CDIP1: variants seen among roughly 807,000 people sequenced by gnomAD.
CDIP1 encodes the protein cell death inducing p53 target 1.
CDIP1 carries 9 observed loss-of-function variants against 17.7 expected under a neutral mutation model. That is an observed-to-expected ratio of 0.51 (90% CI 0.31 to 0.89). CDIP1 has a LOEUF of 0.89. CDIP1 is among the 40% of genes least tolerant of loss of function. The probability of loss-of-function intolerance (pLI) is 0.05; values close to 1 mark genes in which losing one functional copy is unlikely to be tolerated. For synonymous variants in CDIP1, 117 were observed against 109.5 expected (o/e 1.07, Z -0.43); for missense variants, 263 against 277.9 (o/e 0.95, Z 0.38).
Position 4,512,142 on chromosome 16 carries a change from G to A in CDIP1, c.*430C>T, listed in dbSNP as rs149283678. The A allele has an allele frequency of 2.2e-5, 4 of 186,036 alleles. No homozygotes were observed. The East Asian group carries it at 5.8e-4, about 27-fold the overall frequency. The allele number at this position is 186,036 out of a possible 1,614,324, so 11.5% of individuals were successfully genotyped here. ...ACTCCAGACAACTTACCCATTCTCG[G>A]CCCAGCAGGTCAGAAACGCCTGTGG... On this transcript the variant is annotated 3_prime_UTR_variant, in exon 6 of 6. Coordinates refer to ENST00000567695, the MANE Select transcript of CDIP1 (RefSeq NM_013399.3). The surrounding 1 kb of genome is among the most constrained non-coding windows in gnomAD (Gnocchi z 4.6).
At chr16:4,519,830 A>C (rs1395596134) in intron 1 of CDIP1, among the ~76,000 whole-genome samples, 3 of 148,692 alleles carry the variant, frequency 2.0e-5, no homozygotes, top group African/African-American at 7.5e-5. Flanking sequence ...CTGCACAGAG[A>C]CCCCCCGTGC....
chr16:4,511,544 C>T lies in CDIP1; in HGVS notation c.*1028G>A, dbSNP rs1476228151. 1 of 152,482 alleles carries T rather than the reference C, an allele frequency of 6.6e-6. No individual in the cohort carries two copies. The highest frequency in any genetic ancestry group is 1.5e-5 in the Non-Finnish European group (1 of 68,090). The allele number at this position is 152,482 out of a possible 1,614,324, so 9.4% of individuals were successfully genotyped here. A position where few individuals can be genotyped will look rare whatever the true frequency, so the allele number is the denominator to read the frequency against. ...CTACCACTTGTGGCTGCTCCTTCCTCGTCCCTAGCCCAGTGTGCCTGCAGG... is the reference window on the plus strand; with the variant it reads ...CTACCACTTGTGGCTGCTCCTTCCTTGTCCCTAGCCCAGTGTGCCTGCAGG... On this transcript the variant is annotated 3_prime_UTR_variant, in exon 6 of 6. Transcript: ENST00000567695.
chr16:4,512,958 C>T lies in CDIP1; in HGVS notation c.348G>A (p.Leu116=), dbSNP rs765721237. ...CCGTGGTGGCAGCTCCTGAAGGGAC[C>T]AGGACTGTGGCTGTGTGGCCCCCAG... ...PGPGGHTATV[L]VPSGAATTVT... Residue 116 remains leucine (L), a synonymous_variant, in exon 5 of 6, where the codon CTG becomes CTA. Coordinates refer to ENST00000567695, the MANE Select transcript of CDIP1 (RefSeq NM_013399.3). The surrounding 1 kb of genome is among the most constrained non-coding windows in gnomAD (Gnocchi z 4.6). The T allele has an allele frequency of 1.3e-5, 21 of 1,587,456 alleles. No homozygotes were observed. The highest frequency in any genetic ancestry group is 2.3e-5 in the East Asian group (1 of 43,920).
chr16:4,526,960 C>A (rs572157519), intron 1 of CDIP1, among the ~76,000 whole-genome samples: 3 of 151,890 alleles, frequency 2.0e-5, no homozygotes, highest in Non-Finnish European at 2.9e-5. Flanking sequence ...TGTGATATGG[C>A]GGTAGGAGCA....
intron 1 of CDIP1, among the ~76,000 whole-genome samples, chr16:4,521,600 G>A (rs527378362): frequency 1.3e-5 from 2 of 151,830 alleles, no homozygotes; most frequent in South Asian, 4.2e-4. Context: ...TGGTGGCTCA[G>A]GCCTGTAATT....
chr16:4,520,380 G>C (rs1399104581), intron 1 of CDIP1, among the ~76,000 whole-genome samples: 1 of 152,156 alleles, frequency 6.6e-6, no homozygotes, highest in Non-Finnish European at 1.5e-5. Context: ...TGGGATTACA[G>C]GTGTGAGCCA....
At chr16:4,519,763 CAGAA>C (rs1190139859) in intron 1 of CDIP1, among the ~76,000 whole-genome samples, 1 of 151,994 alleles carries the variant, frequency 6.6e-6, no homozygotes, top group Non-Finnish European at 1.5e-5. Context: ...TGCTGGTTGT[CAGAA>C]AGAGCCCAGC....
Position 4,512,899 on chromosome 16 carries a change from G to C in CDIP1, c.407C>G (p.Ala136Gly). Residue 136 changes from alanine (A) to glycine (G), a missense_variant, in exon 5 of 6, where the codon GCG (alanine) becomes GGG (glycine). By Grantham distance (60) the Ala-to-Gly change is moderately conservative. Transcript: ENST00000567695. The surrounding 1 kb of genome is among the most constrained non-coding windows in gnomAD (Gnocchi z 4.6). ...TVLQGEIFEGAPVQTVCPHCQ... is the reference protein window; with the variant it reads ...TVLQGEIFEGGPVQTVCPHCQ... ...GTGGGGACACACCGTCTGCACAGGC[G>C]CTCCCTCAAAGATCTCTCCCTGCAG... is the stretch of plus-strand genomic sequence containing the variant. The C allele has an allele frequency of 1.3e-6, 2 of 1,569,932 alleles. No homozygotes were observed. The highest frequency in any genetic ancestry group is 1.7e-6 in the Non-Finnish European group (2 of 1,157,296).
chr16:4,533,494 A>G (rs1254513599), intron 1 of CDIP1: 1 of 152,268 alleles, frequency 6.6e-6, no homozygotes, highest in Non-Finnish European at 1.5e-5. Flanking sequence ...CCCATTGCCA[A>G]ACTGGATGGC....
intron 1 of CDIP1, among the ~76,000 whole-genome samples, chr16:4,518,170 G>A (rs2058907840): frequency 6.6e-6 from 1 of 152,128 alleles, no homozygotes; most frequent in South Asian, 2.1e-4. Flanking sequence ...ACACACACAC[G>A]TGTGCACACA....
intron 1 of CDIP1, among the ~76,000 whole-genome samples, chr16:4,521,673 GACA>G (rs1178479881): frequency 1.4e-5 from 2 of 143,208 alleles, no homozygotes; most frequent in East Asian, 2.1e-4. Flanking sequence ...AACCAGCCTG[GACA>G]ACATGGCAAG....
rs375638981 is a variant in CDIP1, at chr16:4,514,089, T to A, written c.42A>T (p.Thr14=). The change falls in exon 3 of 6, where the codon ACA becomes ACT. Residue 14 remains threonine, a synonymous_variant. Transcript: ENST00000567695. The surrounding 1 kb of genome is among the most constrained non-coding windows in gnomAD (Gnocchi z 5.2). Reference sequence around the variant, plus strand: ...CACTTTTCTCTTCCAGAAGTGGGGCTGTGGGGCCCCCAGGATAAGGAGGGG... The same window carrying A: ...CACTTTTCTCTTCCAGAAGTGGGGCAGTGGGGCCCCCAGGATAAGGAGGGG... The part of the protein sequence containing the change: ...EPPPPYPGGP[T]APLLEEKSGA... 1 of 1,541,864 alleles carries A rather than the reference T, an allele frequency of 6.5e-7. No homozygotes were observed. Among genetic ancestry groups the A allele is most frequent in the African/African-American group, 1.4e-5 (1 of 69,614 alleles).
intron 1 of CDIP1, among the ~76,000 whole-genome samples, chr16:4,534,047 T>G (rs2059081414): frequency 6.6e-6 from 1 of 151,512 alleles, no homozygotes; most frequent in Admixed American, 6.6e-5. Context: ...AACTCCCGAG[T>G]TCAAGCAATT....
At chr16:4,530,831 C>G (rs2059048864) in intron 1 of CDIP1, among the ~76,000 whole-genome samples, 1 of 151,838 alleles carries the variant, frequency 6.6e-6, no homozygotes, top group Non-Finnish European at 1.5e-5. Context: ...AAGCAAGACT[C>G]TGCCTCAAAA....
intron 1 of CDIP1, among the ~76,000 whole-genome samples, chr16:4,521,660 C>T (rs372322887): frequency 1.8e-4 from 25 of 142,270 alleles, no homozygotes; most frequent in African/African-American, 6.1e-4. Flanking sequence ...CCCAGGAGTT[C>T]GAAACCAGCC....
At chr16:4,526,299 G>A (rs534243304) in intron 1 of CDIP1, among the ~76,000 whole-genome samples, 3 of 152,296 alleles carry the variant, frequency 2.0e-5, no homozygotes, top group South Asian at 4.1e-4. Flanking sequence ...CAGCTACTCG[G>A]GAGGCTGAGG....
chr16:4,537,005 C>T (rs1216987619), intron 1 of CDIP1, among the ~76,000 whole-genome samples: 1 of 152,166 alleles, frequency 6.6e-6, no homozygotes, highest in East Asian at 1.9e-4. Context: ...TGGAAAACCT[C>T]CGAACTCCTT....
At chr16:4,527,631 C>T (rs2141652114) in intron 1 of CDIP1, among the ~76,000 whole-genome samples, 1 of 152,322 alleles carries the variant, frequency 6.6e-6, no homozygotes, top group Non-Finnish European at 1.5e-5. Context: ...GCTACCTGTA[C>T]ACTCTTATGG....
chr16:4,536,626 C>T (rs1399147630), intron 1 of CDIP1: 2 of 152,086 alleles, frequency 1.3e-5, no homozygotes, highest in East Asian at 1.9e-4. Flanking sequence ...TCTAGAACCA[C>T]GGCTGGCTGC....
Sources: gnomAD v4.1 joint callset for allele counts (sites outside exome capture counted in the v4.1 genomes callset) on GRCh38, gnomAD v4.1.1 for gene constraint, Gnocchi (gnomAD v3.1) non-coding constraint, MANE v1.5 for transcripts, NCBI Gene and HGNC (gene_info 2026-07-23, HGNC 2026-07-21) for gene names.